ANKS1B: variants seen among roughly 807,000 people sequenced by gnomAD.
ANKS1B encodes ankyrin repeat and sterile alpha motif domain containing 1B, also known as ankyrin repeat and sterile alpha motif domain-containing protein 1B.
A neutral mutation model predicts 148.3 loss-of-function variants in ANKS1B; 36 were observed. The ratio of observed to expected loss-of-function variants is 0.24; its 90% CI spans 0.19 to 0.32. The LOEUF (loss-of-function observed/expected upper bound fraction) is 0.32, where lower values mean the gene tolerates loss of function less well. Among genes scored for constraint, ANKS1B ranks in the 10% least tolerant of loss-of-function variants. The pLI is 1.00. For synonymous variants in ANKS1B, 542 were observed against 560.8 expected (o/e 0.97, Z 0.47); for missense variants, 1,157 against 1,542.6 (o/e 0.75, Z 4.19).
intron 14 of ANKS1B, among the ~76,000 whole-genome samples, chr12:99,197,870 G>A (rs942032037): frequency 2.0e-5 from 3 of 152,160 alleles, no homozygotes; most frequent in African/African-American, 2.4e-5. Flanking sequence ...AATTTTTATC[G>A]TTTAAGCTTC....
At chr12:99,086,617 C>G (rs1447832454) in intron 15 of ANKS1B, among the ~76,000 whole-genome samples, 10 of 152,138 alleles carry the variant, frequency 6.6e-5, no homozygotes, top group African/African-American at 2.4e-4. Flanking sequence ...GTCCAAGGAC[C>G]AGTTCAGTCC....
At chr12:99,699,897 C>A (rs1470142071) in intron 8 of ANKS1B, among the ~76,000 whole-genome samples, 1 of 152,146 alleles carries the variant, frequency 6.6e-6, no homozygotes, top group African/African-American at 2.4e-5. Context: ...ATTATTCTAA[C>A]CCTGAAAGCA....
intron 1 of ANKS1B, among the ~76,000 whole-genome samples, chr12:99,914,692 G>C (rs2094114747): frequency 6.6e-6 from 1 of 152,124 alleles, no homozygotes; most frequent in Non-Finnish European, 1.5e-5. Context: ...GGGAAAGGGG[G>C]AGGGTGGTGA....
intron 17 of ANKS1B, among the ~76,000 whole-genome samples, chr12:99,049,778 C>T (rs758697074): frequency 5.3e-5 from 8 of 152,118 alleles, no homozygotes; most frequent in Admixed American, 3.3e-4. Context: ...ATGGGACACA[C>T]GTGGATATTG....
chr12:99,665,502 A>T (rs985979658), intron 8 of ANKS1B, among the ~76,000 whole-genome samples: 70 of 145,408 alleles, frequency 4.8e-4, no homozygotes, highest in African/African-American at 1.7e-3. Context: ...TTTTTTTTTT[A>T]GACGGAGTAT....
rs536367594 is a variant in ANKS1B at position 99,875,282 on chromosome 12, A to T, written c.135-49893T>A. 2.6e-5 allele frequency among the ~76,000 whole-genome samples: 4 copies of T among 152,320 alleles called. No individual in the cohort carries two copies. In the East Asian group the frequency reaches 5.8e-4, roughly 22 times the overall value. Reference sequence around the variant, plus strand: ...AAATGTTGGATTTGGCAAAATTTAAAATAAATTTTGCCAAGTCCTTAAGTT... The same window carrying T: ...AAATGTTGGATTTGGCAAAATTTAATATAAATTTTGCCAAGTCCTTAAGTT... On this transcript the variant is annotated intron_variant, in intron 1 of 26. Transcript: ENST00000683438.
chr12:99,815,342 A>C (rs1018318254), intron 2 of ANKS1B, among the ~76,000 whole-genome samples: 1 of 151,846 alleles, frequency 6.6e-6, no homozygotes, highest in African/African-American at 2.4e-5. Flanking sequence ...TATCTAAATC[A>C]GAAAAGAATA....
At chr12:99,449,921 AT>A (rs1271703643) in intron 10 of ANKS1B, among the ~76,000 whole-genome samples, 6 of 151,500 alleles carry the variant, frequency 4.0e-5, no homozygotes, top group African/African-American at 1.2e-4. Flanking sequence ...CTATCTATCT[AT>A]CTATCTATCT....
intron 17 of ANKS1B, among the ~76,000 whole-genome samples, chr12:98,842,821 T>A (rs1445276709): frequency 6.6e-6 from 1 of 152,212 alleles, no homozygotes; most frequent in African/African-American, 2.4e-5. Flanking sequence ...CTAGTACTAT[T>A]TAACTATAGG....
At chr12:99,368,837 C>T (rs2152458748) in intron 12 of ANKS1B, among the ~76,000 whole-genome samples, 1 of 152,124 alleles carries the variant, frequency 6.6e-6, no homozygotes, top group South Asian at 2.1e-4. Flanking sequence ...GAATATCGCA[C>T]CTTTTTGGGA....
chr12:99,484,353 G>A (rs991598225), intron 10 of ANKS1B, among the ~76,000 whole-genome samples: 2 of 151,796 alleles, frequency 1.3e-5, no homozygotes, highest in African/African-American at 4.8e-5. Context: ...GCTGTGGTTT[G>A]AGAAGACACT....
At chr12:98,791,591 G>A (rs568898553) in intron 22 of ANKS1B, among the ~76,000 whole-genome samples, 17 of 152,194 alleles carry the variant, frequency 1.1e-4, no homozygotes, top group Non-Finnish European at 2.1e-4. Context: ...ATGTTGCCCC[G>A]GCTAGAATGC....
intron 12 of ANKS1B, among the ~76,000 whole-genome samples, chr12:99,356,612 G>C (rs1273591993): frequency 1.3e-5 from 2 of 152,130 alleles, no homozygotes; most frequent in Non-Finnish European, 2.9e-5. Flanking sequence ...TTGCAGATGA[G>C]ATACAATAAC....
chr12:98,912,271 A>G (rs1380136846), intron 17 of ANKS1B, among the ~76,000 whole-genome samples: 1 of 152,196 alleles, frequency 6.6e-6, no homozygotes, highest in Non-Finnish European at 1.5e-5. Context: ...TCTGTTCTTC[A>G]TCACGACTCT....
In ANKS1B at chr12:99,778,536, G is replaced by A. The variant is rs556653535; in HGVS notation, c.847+1335C>T. 4.6e-5 allele frequency among the ~76,000 whole-genome samples: 7 copies of A among 150,896 alleles called. No individual in the cohort carries two copies. The South Asian group carries it at 1.5e-3, about 32-fold the overall frequency. On this transcript the variant is annotated intron_variant, in intron 6 of 26. Coordinates refer to ENST00000683438, the MANE Select transcript of ANKS1B (RefSeq NM_001352186.2). ...AAAAAAAAAAAAAAAAAAATTCAGT[G>A]AGAGTCAAAAGTCCAACATGAAATA...
At chr12:99,761,203 G>C (rs1463727170) in intron 8 of ANKS1B, among the ~76,000 whole-genome samples, 5 of 150,516 alleles carry the variant, frequency 3.3e-5, no homozygotes, top group African/African-American at 1.2e-4. Context: ...AACTCATGAA[G>C]CCGCCATCAT....
At chr12:99,387,530 T>C (rs1305156002) in intron 12 of ANKS1B, among the ~76,000 whole-genome samples, 1 of 151,872 alleles carries the variant, frequency 6.6e-6, no homozygotes, top group Admixed American at 6.6e-5. Context: ...GCAGGGTTGT[T>C]GCTTGAACCC....
At chr12:98,850,828 G>A (rs1359857612) in intron 17 of ANKS1B, among the ~76,000 whole-genome samples, 1 of 151,592 alleles carries the variant, frequency 6.6e-6, no homozygotes, top group African/African-American at 2.4e-5. Flanking sequence ...TCTTTGCCCA[G>A]CCTGCCAATG....
At chr12:99,369,754 A>G (rs1299887706) in intron 12 of ANKS1B, among the ~76,000 whole-genome samples, 1 of 133,550 alleles carries the variant, frequency 7.5e-6, no homozygotes, top group African/African-American at 3.1e-5. Flanking sequence ...AGAAAGATAG[A>G]TAGATAGATA....
Sources: gnomAD v4.1 joint callset for allele counts (sites outside exome capture counted in the v4.1 genomes callset) on GRCh38, gnomAD v4.1.1 for gene constraint, MANE v1.5 for transcripts, NCBI Gene and HGNC (gene_info 2026-07-23, HGNC 2026-07-21) for gene names.